Variants in CNIH2 observed in about 807,000 individuals in gnomAD.
CNIH2 encodes cornichon family AMPA receptor auxiliary protein 2.
A neutral mutation model predicts 22.9 loss-of-function variants in CNIH2; 8 were observed. That is an observed-to-expected ratio of 0.35 (90% CI 0.20 to 0.63). The LOEUF (loss-of-function observed/expected upper bound fraction) is 0.63. CNIH2 is among the 30% of genes least tolerant of loss of function. The pLI, the probability that CNIH2 is intolerant of heterozygous loss-of-function variation, is 0.72. For missense variants in CNIH2, 105 were observed against 206.2 expected, an observed-to-expected ratio of 0.51 and a Z score of 3.01; for synonymous variants, 74 against 78.2, an observed-to-expected ratio of 0.95 and a Z score of 0.28.
At chr11:66,283,203 G>C (rs200300899) in intron 4 of CNIH2, 45 bp from the exon 5 acceptor site, 1 of 1,613,714 alleles carries the variant, frequency 6.2e-7, no homozygotes, top group Non-Finnish European at 8.5e-7. Flanking sequence ...GCAGGATGGG[G>C]GTGGGAGTCC....
chr11:66,282,936 G>A (rs1857285630), intron 3 of CNIH2, 99 bp from the exon 4 acceptor site: 6 of 1,357,206 alleles, frequency 4.4e-6, no homozygotes, highest in South Asian at 3.5e-5. Flanking sequence ...CAGAGGTCAC[G>A]GTGGGTGGGC....
chr11:66,281,311 T>C (rs148137573), intron 1 of CNIH2: 1 of 451,308 alleles, frequency 2.2e-6, no homozygotes, highest in East Asian at 7.0e-5. Flanking sequence ...ACAAGTCACT[T>C]AACCTGCCTC....
rs756419596 is a variant in CNIH2 at position 66,283,085 on chromosome 11, G to A, written c.249G>A (p.Leu83=). The change falls in exon 4 of 6, where the codon CTG becomes CTA. Residue 83 remains leucine (L), a synonymous_variant. Coordinates refer to ENST00000311445, the MANE Select transcript of CNIH2 (RefSeq NM_182553.3). ...SIHGLFCLMF[L]CAAEWVTLGL... ...ACGGCCTCTTCTGTCTGATGTTTCT[G>A]TGTGCAGCAGAGTGGGTGACCCTGG... is the stretch of plus-strand genomic sequence containing the variant. 5.0e-6 allele frequency: 8 copies of A among 1,613,906 alleles called. No homozygotes were observed. Among genetic ancestry groups the A allele is most frequent in the Non-Finnish European group, 6.8e-6 (8 of 1,180,000 alleles).
chr11:66,282,570 T>C, intron 2 of CNIH2, 163 bp from the exon 3 acceptor site: 1 of 893,042 alleles, frequency 1.1e-6, no homozygotes, highest in Non-Finnish European at 1.7e-6. Context: ...GGCCCTTCCA[T>C]GGTGACGGTC....
chr11:66,279,626 TC>T (rs1565184627), intron 1 of CNIH2, among the ~76,000 whole-genome samples: 1 of 152,106 alleles, frequency 6.6e-6, no homozygotes, highest in African/African-American at 2.4e-5. Flanking sequence ...CCCTCCTTCC[TC>T]CCGGTGCCTC....
At chr11:66,282,044 A>T (rs1857265597) in intron 1 of CNIH2, among the ~76,000 whole-genome samples, 1 of 152,124 alleles carries the variant, frequency 6.6e-6, no homozygotes, top group South Asian at 2.1e-4. Flanking sequence ...TGTAGTGGAC[A>T]TGGGCCTGAA....
At chr11:66,282,370 G>C (rs778570627) in intron 2 of CNIH2, 43 bp downstream of exon 2, 24 of 1,311,428 alleles carry the variant, frequency 1.8e-5, no homozygotes, top group Non-Finnish European at 2.3e-5. Context: ...CCGTCCGTCT[G>C]TCTTTCCATC....
chr11:66,278,398 TC>T lies in CNIH2; in HGVS notation c.-55del. The T allele has an allele frequency of 1.4e-6, 1 of 705,240 alleles. No homozygotes were observed. Among genetic ancestry groups the T allele is most frequent in the Middle Eastern group, 6.6e-4 (1 of 1,514 alleles). 43.7% of individuals were successfully genotyped at this position (705,240 alleles called of 1,614,324 possible). On this transcript the variant is annotated 5_prime_UTR_variant, in exon 1 of 6. Transcript: ENST00000311445. ...GGCCCTAAGCGCGGGCCGGGGGGCG[TC>T]CCCTTGCGCCCGGGCCCCGCGCTGG... is the stretch of plus-strand genomic sequence containing the variant.
intron 1 of CNIH2, among the ~76,000 whole-genome samples, chr11:66,278,782 TC>T (rs1422623728): frequency 7.4e-6 from 1 of 134,284 alleles, no homozygotes; most frequent in Non-Finnish European, 1.5e-5. Context: ...TCCTCTGCCC[TC>T]GTCCTCTGCT....
At chr11:66,281,923 C>T (rs929511950) in intron 1 of CNIH2, among the ~76,000 whole-genome samples, 1 of 152,106 alleles carries the variant, frequency 6.6e-6, no homozygotes, top group Non-Finnish European at 1.5e-5. Flanking sequence ...GCCTGGGTTC[C>T]TCCTGGGCAG....
chr11:66,282,237 C>G, intron 1 of CNIH2, 22 bp from the exon 2 acceptor site: 1 of 1,607,816 alleles, frequency 6.2e-7, no homozygotes. Flanking sequence ...CCAACCCTGA[C>G]GGGCACACGC....
intron 4 of CNIH2, 48 bp from the exon 5 acceptor site, chr11:66,283,200 G>C: frequency 6.2e-7 from 1 of 1,613,674 alleles, no homozygotes; most frequent in Non-Finnish European, 8.5e-7. Flanking sequence ...GGGGCAGGAT[G>C]GGGGTGGGAG....
intron 1 of CNIH2, among the ~76,000 whole-genome samples, chr11:66,280,937 C>T (rs893733769): frequency 6.6e-6 from 1 of 152,180 alleles, no homozygotes; most frequent in Non-Finnish European, 1.5e-5. Context: ...CCCATTTCCC[C>T]CAAGTCACCT....
At chr11:66,282,579 T>C (rs1201876654) in intron 2 of CNIH2, 154 bp from the exon 3 acceptor site, 58 of 937,434 alleles carry the variant, frequency 6.2e-5, no homozygotes, top group Non-Finnish European at 2.6e-5. Context: ...ATGGTGACGG[T>C]CGCCATGGGG....
intron 1 of CNIH2, among the ~76,000 whole-genome samples, chr11:66,278,858 C>T (rs1290188758): frequency 1.6e-5 from 2 of 122,904 alleles, no homozygotes; most frequent in Non-Finnish European, 3.5e-5. Flanking sequence ...TTCTATGTCC[C>T]CCCCCACCAC....
intron 1 of CNIH2, among the ~76,000 whole-genome samples, chr11:66,280,635 G>A (rs1386289823): frequency 6.6e-6 from 1 of 152,160 alleles, no homozygotes; most frequent in Non-Finnish European, 1.5e-5. Context: ...AGCCTGGGGG[G>A]TGGGAGGGGT....
chr11:66,278,634 GA>G lies in CNIH2; in HGVS notation c.81+100del, dbSNP rs1262437376. 6 of 904,300 alleles carry G rather than the reference GA, an allele frequency of 6.6e-6. No individual in the cohort carries two copies. The African/African-American group carries it at 1.1e-4, about 16-fold the overall frequency. The allele number at this position is 904,300 out of a possible 1,614,324, so 56.0% of individuals were successfully genotyped here. A position where few individuals can be genotyped will look rare whatever the true frequency, so the allele number is the denominator to read the frequency against. ...GGGCGGGTGGTCTCAGAGCCCAGGG[GA>G]AACTTGCTATCCCCCAGCCGTCGGC... On this transcript the variant is annotated intron_variant, in intron 1 of 5. Coordinates refer to ENST00000311445, the MANE Select transcript of CNIH2 (RefSeq NM_182553.3).
chr11:66,280,492 C>T (rs564223561), intron 1 of CNIH2, among the ~76,000 whole-genome samples: 79 of 152,246 alleles, frequency 5.2e-4, no homozygotes, highest in African/African-American at 1.8e-3. Context: ...CTTAACAGGG[C>T]GGGACCCCAG....
intron 1 of CNIH2, among the ~76,000 whole-genome samples, chr11:66,282,041 GACATGGGCCTGA>G (rs1310062363): frequency 1.3e-5 from 2 of 152,172 alleles, no homozygotes; most frequent in Non-Finnish European, 2.9e-5. Context: ...GGGTGTAGTG[GACATGGGCCTGA>G]ACTGGGCATC....
Sources: gnomAD v4.1 joint callset for allele counts (sites outside exome capture counted in the v4.1 genomes callset) on GRCh38, gnomAD v4.1.1 for gene constraint, MANE v1.5 for transcripts, NCBI Gene and HGNC (gene_info 2026-07-23, HGNC 2026-07-21) for gene names.